Variants in ELMO1 observed in about 807,000 individuals in gnomAD.
ELMO1 encodes the protein engulfment and cell motility protein 1.
ELMO1 carries 26 observed loss-of-function variants against 98.9 expected under a neutral mutation model. The observed-to-expected ratio is 0.26, with a 90% CI of 0.19 to 0.36. The LOEUF (loss-of-function observed/expected upper bound fraction) is 0.36, where lower values mean the gene tolerates loss of function less well. ELMO1 is among the 10% of genes least tolerant of loss of function. ELMO1 has a pLI of 1.00. For synonymous variants in ELMO1, 346 were observed against 346.0 expected, an observed-to-expected ratio of 1.00 and a Z score of 0.00; for missense variants, 627 against 935.2, an observed-to-expected ratio of 0.67 and a Z score of 4.30.
At chr7:37,146,843 G>T (rs1385487835) in intron 13 of ELMO1, among the ~76,000 whole-genome samples, 1 of 152,076 alleles carries the variant, frequency 6.6e-6, no homozygotes, top group African/African-American at 2.4e-5. Context: ...TTCACACCAG[G>T]CACTCCAAAT....
intron 15 of ELMO1, among the ~76,000 whole-genome samples, chr7:37,033,068 T>C (rs984995564): frequency 2.6e-5 from 4 of 152,184 alleles, no homozygotes; most frequent in Non-Finnish European, 1.5e-5. Context: ...TTCAGAATAA[T>C]TTACTAGTCA....
In ELMO1 at chr7:37,086,743, CAAAAAAAAAAA is replaced by C. The variant is rs755237121; in HGVS notation, c.1300+9865_1300+9875del. 1.0e-4 allele frequency among the ~76,000 whole-genome samples: 5 copies of C among 48,810 alleles called. No homozygotes were observed. In the East Asian group the frequency reaches 2.4e-3, roughly 23 times the overall value. The allele number at this position is 48,810 out of a possible 152,430, so 32.0% of individuals were successfully genotyped here. A position where few individuals can be genotyped will look rare whatever the true frequency, so the allele number is the denominator to read the frequency against. On this transcript the variant is annotated intron_variant, in intron 15 of 21. Transcript: ENST00000310758. Reference sequence around the variant, plus strand: ...GGGCAACAGAGTGAGATCCTGTCTCCAAAAAAAAAAAAAAAAAAAAAAGAAATCTTTGAACT... The same window carrying C: ...GGGCAACAGAGTGAGATCCTGTCTCCAAAAAAAAAAAGAAATCTTTGAACT...
At chr7:37,108,923 C>T (rs143764500) in intron 14 of ELMO1, among the ~76,000 whole-genome samples, 1 of 152,310 alleles carries the variant, frequency 6.6e-6, no homozygotes, top group African/African-American at 2.4e-5. Flanking sequence ...CTTATTACAA[C>T]TATATGTTCA....
chr7:36,922,137 T>C (rs1470815203), intron 16 of ELMO1, among the ~76,000 whole-genome samples: 1 of 152,186 alleles, frequency 6.6e-6, no homozygotes, highest in East Asian at 1.9e-4. Context: ...TGTCTAGTTG[T>C]GCAACTGAAG....
intron 15 of ELMO1, among the ~76,000 whole-genome samples, chr7:37,060,244 G>A (rs1796597708): frequency 6.6e-6 from 1 of 152,202 alleles, no homozygotes; most frequent in African/African-American, 2.4e-5. Context: ...ATGAGGCACA[G>A]TTCTTTTCTT....
intron 4 of ELMO1, among the ~76,000 whole-genome samples, chr7:37,278,694 T>C (rs531095089): frequency 6.6e-6 from 1 of 152,350 alleles, no homozygotes; most frequent in South Asian, 2.1e-4. Flanking sequence ...AGTCAGTTCC[T>C]ATACATCTCC....
intron 14 of ELMO1, among the ~76,000 whole-genome samples, chr7:37,114,169 T>C (rs1286991132): frequency 6.6e-6 from 1 of 152,224 alleles, no homozygotes; most frequent in African/African-American, 2.4e-5. Flanking sequence ...ATCTGACCAA[T>C]ACTGGAAGAA....
intron 14 of ELMO1, among the ~76,000 whole-genome samples, chr7:37,125,466 AG>A (rs1786438617): frequency 6.6e-6 from 1 of 152,254 alleles, no homozygotes; most frequent in South Asian, 2.1e-4. Flanking sequence ...CCCATAAACA[AG>A]TGGGCTAAGG....
chr7:37,017,062 T>A (rs1296710396), intron 15 of ELMO1, among the ~76,000 whole-genome samples: 1 of 152,196 alleles, frequency 6.6e-6, no homozygotes, highest in African/African-American at 2.4e-5. Context: ...ATTTACTGTG[T>A]AAGATTCCTC....
chr7:37,428,248 C>T (rs934224697), intron 1 of ELMO1, among the ~76,000 whole-genome samples: 3 of 151,762 alleles, frequency 2.0e-5, no homozygotes, highest in Non-Finnish European at 4.4e-5. Flanking sequence ...TAAAATAGCA[C>T]CTAATAAAAA....
chr7:37,321,275 G>C (rs1799474929), intron 2 of ELMO1, among the ~76,000 whole-genome samples: 1 of 152,106 alleles, frequency 6.6e-6, no homozygotes, highest in Non-Finnish European at 1.5e-5. Flanking sequence ...CTGCCTTATG[G>C]ACTTTTTAGT....
At chr7:37,402,176 T>G (rs1803565716) in intron 1 of ELMO1, among the ~76,000 whole-genome samples, 1 of 152,204 alleles carries the variant, frequency 6.6e-6, no homozygotes, top group Admixed American at 6.5e-5. Context: ...GGGAAGAAGC[T>G]ATTTCCCCTC....
intron 1 of ELMO1, among the ~76,000 whole-genome samples, chr7:37,410,646 C>T (rs1803957256): frequency 6.6e-6 from 1 of 152,010 alleles, no homozygotes. Flanking sequence ...AACAGTAATC[C>T]AGATTTCTAA....
chr7:37,030,232 G>A (rs979212081), intron 15 of ELMO1, among the ~76,000 whole-genome samples: 1 of 152,150 alleles, frequency 6.6e-6, no homozygotes, highest in Admixed American at 6.6e-5. Context: ...TGATGAAATT[G>A]TTCAGAACTT....
intron 16 of ELMO1, chr7:37,001,962 A>T (rs1344045813): frequency 6.6e-6 from 1 of 152,256 alleles, no homozygotes; most frequent in African/African-American, 2.4e-5. Context: ...AAAGGTTTCC[A>T]AGCTGGGAGA....
In ELMO1 at chr7:37,201,575, A is replaced by T. The variant is rs572098780; in HGVS notation, c.1086+9811T>A. Among the ~76,000 whole-genome samples, 3 of 152,302 alleles carry T rather than the reference A, an allele frequency of 2.0e-5. No homozygotes were observed. The East Asian group carries it at 5.8e-4, about 29-fold the overall frequency. On this transcript the variant is annotated intron_variant, in intron 13 of 21. Coordinates refer to ENST00000310758, the MANE Select transcript of ELMO1 (RefSeq NM_014800.11). Reference sequence around the variant, plus strand: ...ACATCCAACAATGCTTCTAGTTCCTACCGGGTCCTGATGAAAGCTTTAGAG... The same window carrying T: ...ACATCCAACAATGCTTCTAGTTCCTTCCGGGTCCTGATGAAAGCTTTAGAG...
At chr7:37,391,405 C>T (rs111900292) in intron 1 of ELMO1, among the ~76,000 whole-genome samples, 3,465 of 152,238 alleles carry the variant, frequency 0.023, 134 homozygotes, top group African/African-American at 0.079. Flanking sequence ...CATGAGCCAC[C>T]GCACCCAGCC....
chr7:37,261,007 T>C (rs1795948582), intron 5 of ELMO1, among the ~76,000 whole-genome samples: 1 of 152,230 alleles, frequency 6.6e-6, no homozygotes, highest in African/African-American at 2.4e-5. Context: ...GTGTATTTTT[T>C]CTCCAAGAAG....
At chr7:37,347,885 A>G (rs986245188) in intron 1 of ELMO1, among the ~76,000 whole-genome samples, 2 of 151,916 alleles carry the variant, frequency 1.3e-5, no homozygotes, top group South Asian at 2.1e-4. Context: ...CACAAGCCCA[A>G]CTCCTCTTGG....
Sources: gnomAD v4.1 joint callset for allele counts (sites outside exome capture counted in the v4.1 genomes callset) on GRCh38, gnomAD v4.1.1 for gene constraint, MANE v1.5 for transcripts, NCBI Gene and HGNC (gene_info 2026-07-23, HGNC 2026-07-21) for gene names.